Variants in DBX2 observed in about 807,000 individuals in gnomAD.
DBX2 encodes developing brain homeobox 2.
DBX2 carries 16 observed loss-of-function variants against 17.7 expected under a neutral mutation model. The observed-to-expected ratio is 0.90, with a 90% CI of 0.61 to 1.37. DBX2 has a LOEUF of 1.37. DBX2 is among the 40% of genes most tolerant of loss of function. The probability of loss-of-function intolerance (pLI) is 0.00; values close to 1 mark genes in which losing one functional copy is unlikely to be tolerated. For synonymous variants in DBX2, 255 were observed against 183.8 expected (o/e 1.39, Z -3.13); for missense variants, 538 against 433.8 (o/e 1.24, Z -2.13).
intron 1 of DBX2, among the ~76,000 whole-genome samples, chr12:45,046,394 T>C (rs1946500167): frequency 6.6e-6 from 1 of 152,160 alleles, no homozygotes; most frequent in South Asian, 2.1e-4. Context: ...ATAGGTCCCA[T>C]CACTATCCCA....
At chr12:45,033,233 A>G (rs1167178695) in intron 2 of DBX2, among the ~76,000 whole-genome samples, 3 of 152,236 alleles carry the variant, frequency 2.0e-5, no homozygotes, top group African/African-American at 7.2e-5. Flanking sequence ...TCGCGTAGTT[A>G]AAAATGTGCT....
intron 2 of DBX2, among the ~76,000 whole-genome samples, chr12:45,029,089 CA>C (rs1275354989): frequency 6.6e-6 from 1 of 152,144 alleles, no homozygotes; most frequent in Non-Finnish European, 1.5e-5. Context: ...TTTATGTCTC[CA>C]AAACACATGT....
At chr12:45,041,541 G>A (rs746827937) in intron 1 of DBX2, among the ~76,000 whole-genome samples, 17 of 152,120 alleles carry the variant, frequency 1.1e-4, no homozygotes, top group Non-Finnish European at 2.1e-4. Flanking sequence ...CAATCACCAC[G>A]CATAGCAAGT....
At position 45,041,763 on chromosome 12, in the gene DBX2, A is replaced by C. The variant is rs139901421; in HGVS notation, c.404-5649T>G. Among the ~76,000 whole-genome samples the C allele has an allele frequency of 2.6e-4, 39 of 152,360 alleles. No homozygotes were observed. The East Asian group carries it at 6.9e-3, about 27-fold the overall frequency. On this transcript the variant is annotated intron_variant, in intron 1 of 3. Coordinates refer to ENST00000332700, the MANE Select transcript of DBX2 (RefSeq NM_001004329.3). ...TGTACTGCCTATCTGTCAAGTGCTG[A>C]GCACTGCACTGTGTGCTGGGACTAC... is the stretch of plus-strand genomic sequence containing the variant.
At chr12:45,039,315 A>ATC (rs1565585244) in intron 1 of DBX2, among the ~76,000 whole-genome samples, 1 of 115,668 alleles carries the variant, frequency 8.6e-6, no homozygotes, top group East Asian at 2.7e-4. Context: ...ATATATATAT[A>ATC]TATATATGTA....
Position 45,050,988 on chromosome 12 carries a change from C to A in DBX2, c.-61G>T. The A allele has an allele frequency of 7.5e-7, 1 of 1,337,254 alleles. No individual in the cohort carries two copies. Among genetic ancestry groups the A allele is most frequent in the South Asian group, 2.1e-5 (1 of 47,052 alleles). 82.8% of individuals were successfully genotyped at this position (1,337,254 alleles called of 1,614,324 possible). On this transcript the variant is annotated 5_prime_UTR_variant, in exon 1 of 4. Coordinates refer to ENST00000332700, the MANE Select transcript of DBX2 (RefSeq NM_001004329.3). ...TGCGCCCGCCTGTCGCCCGGGCGCC[C>A]CGCACCGCACCCAGAGCCGCAGCTT...
At chr12:45,048,965 C>A (rs1331867563) in intron 1 of DBX2, among the ~76,000 whole-genome samples, 2 of 152,062 alleles carry the variant, frequency 1.3e-5, no homozygotes, top group African/African-American at 2.4e-5. Context: ...TGAATATGTT[C>A]TTGAAAATAA....
At position 45,041,349 on chromosome 12, in the gene DBX2, C is replaced by T. The variant is rs144531932; in HGVS notation, c.404-5235G>A. Among the ~76,000 whole-genome samples, 3 of 152,052 alleles carry T rather than the reference C, an allele frequency of 2.0e-5. No homozygotes were observed. In the East Asian group the frequency reaches 5.8e-4, roughly 29 times the overall value. ...CTAAACTTCTGACTTGCAAATAATA[C>T]ACAATTGAACCGACAGTCTAGGGTG... On this transcript the variant is annotated intron_variant, in intron 1 of 3. Coordinates refer to ENST00000332700, the MANE Select transcript of DBX2 (RefSeq NM_001004329.3).
intron 2 of DBX2, among the ~76,000 whole-genome samples, chr12:45,028,888 T>G (rs184032543): frequency 2.0e-5 from 3 of 152,328 alleles, no homozygotes; most frequent in Admixed American, 2.0e-4. Context: ...CAAGCTTGCT[T>G]TCATAAAGTG....
Position 45,050,790 on chromosome 12 carries a change from G to C in DBX2, c.138C>G (p.Val46=). ...KSFLIENLLR[V]GGAPTPRLQP... ...GCAGCCTGGGCGTTGGGGCGCCCCC[G>C]ACCCGCAGCAAATTCTCGATCAGGA... Residue 46 remains valine (V), a synonymous_variant, in exon 1 of 4, where the codon GTC becomes GTG. Coordinates refer to ENST00000332700, the MANE Select transcript of DBX2 (RefSeq NM_001004329.3). 4 of 1,520,308 alleles carry C rather than the reference G, an allele frequency of 2.6e-6. No homozygotes were observed. Among genetic ancestry groups the C allele is most frequent in the South Asian group, 1.2e-5 (1 of 80,908 alleles). 94.2% of individuals were successfully genotyped at this position (1,520,308 alleles called of 1,614,324 possible). A position where few individuals can be genotyped will look rare whatever the true frequency, so the allele number is the denominator to read the frequency against.
chr12:45,023,624 C>A, intron 3 of DBX2, 83 bp downstream of exon 3: 1 of 1,518,770 alleles, frequency 6.6e-7, no homozygotes. Context: ...CAGTTGCCTA[C>A]GGCCCACCAC....
intron 1 of DBX2, among the ~76,000 whole-genome samples, chr12:45,036,754 A>G (rs1946443167): frequency 6.6e-6 from 1 of 152,188 alleles, no homozygotes; most frequent in Non-Finnish European, 1.5e-5. Flanking sequence ...GTAACAGTAA[A>G]TTTACTGAGC....
intron 3 of DBX2, among the ~76,000 whole-genome samples, chr12:45,017,208 A>T (rs1946328878): frequency 6.6e-6 from 1 of 152,210 alleles, no homozygotes; most frequent in African/African-American, 2.4e-5. Context: ...ATTTTAAAAC[A>T]TCATCTAGTC....
chr12:45,029,227 G>A (rs1449262074), intron 2 of DBX2, among the ~76,000 whole-genome samples: 3 of 152,198 alleles, frequency 2.0e-5, no homozygotes, highest in African/African-American at 7.2e-5. Flanking sequence ...GGCTTTAAAA[G>A]CTGGAGCCAC....
At chr12:45,039,334 T>G (rs1483426752) in intron 1 of DBX2, among the ~76,000 whole-genome samples, 1 of 143,254 alleles carries the variant, frequency 7.0e-6, no homozygotes, top group Non-Finnish European at 1.5e-5. Context: ...TATCACACTT[T>G]TAACTTTAGT....
Position 45,050,853 on chromosome 12 carries a change from G to A in DBX2, c.75C>T (p.Leu25=), listed in dbSNP as rs1232009562. The change falls in exon 1 of 4, where the codon CTC becomes CTT. Residue 25 remains leucine (L), a synonymous_variant. Transcript: ENST00000332700. The stretch of plus-strand genomic sequence containing the variant: ...GGTTGCCAAAGCCGGGCGCAGCGGG[G>A]AGGTTGAGGAGCGCGGAGGAAGCCA... ...DVVASSALLN[L]PAAPGFGNLG... is the part of the protein sequence containing the mutation. The A allele has an allele frequency of 2.6e-6, 4 of 1,538,012 alleles. No individual in the cohort carries two copies. In the Admixed American group the frequency reaches 8.3e-5, roughly 32 times the overall value.
At chr12:45,017,821 C>T (rs1488824474) in intron 3 of DBX2, among the ~76,000 whole-genome samples, 1 of 152,122 alleles carries the variant, frequency 6.6e-6, no homozygotes, top group Non-Finnish European at 1.5e-5. Flanking sequence ...CTGTGTATTG[C>T]ATCACATCCT....
At chr12:45,036,639 A>G (rs1946442701) in intron 1 of DBX2, among the ~76,000 whole-genome samples, 1 of 152,210 alleles carries the variant, frequency 6.6e-6, no homozygotes, top group African/African-American at 2.4e-5. Context: ...TTACCAAGAA[A>G]TGATTTAAAT....
intron 1 of DBX2, among the ~76,000 whole-genome samples, chr12:45,041,547 C>G (rs955127884): frequency 1.3e-5 from 2 of 152,156 alleles, no homozygotes; most frequent in Admixed American, 6.5e-5. Context: ...CCACGCATAG[C>G]AAGTTAGGTA....
Sources: gnomAD v4.1 joint callset for allele counts (sites outside exome capture counted in the v4.1 genomes callset) on GRCh38, gnomAD v4.1.1 for gene constraint, MANE v1.5 for transcripts, NCBI Gene and HGNC (gene_info 2026-07-23, HGNC 2026-07-21) for gene names.